Variants in STAC observed in about 807,000 individuals in gnomAD.
The protein encoded by STAC is SH3 and cysteine-rich domain-containing protein.
A neutral mutation model predicts 48.8 loss-of-function variants in STAC; 43 were observed. The observed-to-expected ratio is 0.88, with a 90% CI of 0.69 to 1.14. The LOEUF is 1.14. STAC is among the 50% of genes most tolerant of loss of function. The probability of loss-of-function intolerance (pLI) is 0.00; values close to 1 mark genes in which losing one functional copy is unlikely to be tolerated. For synonymous variants in STAC, 193 were observed against 179.5 expected, an observed-to-expected ratio of 1.07 and a Z score of -0.60; for missense variants, 497 against 504.0, an observed-to-expected ratio of 0.99 and a Z score of 0.13.
chr3:36,508,339 A>T (rs1169158273), intron 8 of STAC, among the ~76,000 whole-genome samples: 1 of 152,052 alleles, frequency 6.6e-6, no homozygotes, highest in South Asian at 2.1e-4. Flanking sequence ...TTTACTTCCA[A>T]TTGTGTGGTC....
intron 1 of STAC, among the ~76,000 whole-genome samples, chr3:36,425,781 T>A (rs1020469082): frequency 6.6e-6 from 1 of 152,210 alleles, no homozygotes; most frequent in Non-Finnish European, 1.5e-5. Context: ...ATCCCAGCAC[T>A]TTGGGAGGCC....
chr3:36,533,216 G>A (rs1317709710), intron 10 of STAC, among the ~76,000 whole-genome samples: 3 of 152,124 alleles, frequency 2.0e-5, no homozygotes, highest in African/African-American at 7.2e-5. Flanking sequence ...TGCTCATGTG[G>A]GCTCCCTATT....
chr3:36,456,270 G>A (rs17035121), intron 2 of STAC, among the ~76,000 whole-genome samples: 25,200 of 152,152 alleles, frequency 0.17, 2,392 homozygotes, highest in African/African-American at 0.26. Context: ...GAAGGACGAT[G>A]AACGAGCCTG....
chr3:36,495,641 C>T (rs562458741), intron 6 of STAC, among the ~76,000 whole-genome samples: 2 of 152,380 alleles, frequency 1.3e-5, no homozygotes, highest in African/African-American at 4.8e-5. Context: ...TCACCAATTC[C>T]TTGAGGAGTT....
intron 8 of STAC, among the ~76,000 whole-genome samples, chr3:36,517,845 CCA>C (rs1698710983): frequency 6.6e-6 from 1 of 151,768 alleles, no homozygotes; most frequent in African/African-American, 2.4e-5. Flanking sequence ...AAATAACCTC[CCA>C]CACACACTCA....
chr3:36,411,057 G>T (rs1461787250), intron 1 of STAC, among the ~76,000 whole-genome samples: 3 of 152,086 alleles, frequency 2.0e-5, no homozygotes, highest in Non-Finnish European at 1.5e-5. Context: ...TAAGTAAATG[G>T]CCACTCCCTC....
intron 2 of STAC, among the ~76,000 whole-genome samples, chr3:36,481,793 A>T (rs1158979860): frequency 6.6e-6 from 1 of 152,178 alleles, no homozygotes; most frequent in East Asian, 1.9e-4. Flanking sequence ...CTGGCCACCC[A>T]CGTCTCTTAT....
intron 1 of STAC, among the ~76,000 whole-genome samples, chr3:36,385,889 C>G (rs1699605850): frequency 6.6e-6 from 1 of 152,074 alleles, no homozygotes; most frequent in Non-Finnish European, 1.5e-5. Context: ...TTTACCTACT[C>G]TACTGATGAT....
At chr3:36,469,934 T>C (rs528515834) in intron 2 of STAC, among the ~76,000 whole-genome samples, 1 of 152,308 alleles carries the variant, frequency 6.6e-6, no homozygotes, top group African/African-American at 2.4e-5. Flanking sequence ...GTTTTTCATT[T>C]ATGCTACCTA....
rs71085127 is a variant in STAC at position 36,493,485 on chromosome 3, C to CATAT, written c.766+268_766+271dup. Among the ~76,000 whole-genome samples, 131 of 150,464 alleles carry CATAT rather than the reference C, an allele frequency of 8.7e-4. No individual in the cohort carries two copies. In the South Asian group the frequency reaches 0.016, roughly 18 times the overall value. Reference sequence around the variant, plus strand: ...ATTTACTCTTATGAGAGTATATATACATATATATATATATAAACTGAGCTG... The same window carrying CATAT: ...ATTTACTCTTATGAGAGTATATATACATATATATATATATATATAAACTGAGCTG... On this transcript the variant is annotated intron_variant, in intron 6 of 10. Coordinates refer to ENST00000273183, the MANE Select transcript of STAC (RefSeq NM_003149.3).
intron 1 of STAC, among the ~76,000 whole-genome samples, chr3:36,381,928 C>T (rs1440754025): frequency 6.6e-6 from 1 of 152,136 alleles, no homozygotes; most frequent in Non-Finnish European, 1.5e-5. Flanking sequence ...TGTGTGTCAA[C>T]TTTTCTAAAA....
chr3:36,543,314 C>T (rs755814843), intron 10 of STAC, among the ~76,000 whole-genome samples: 97 of 152,152 alleles, frequency 6.4e-4, no homozygotes, highest in Non-Finnish European at 1.2e-3. Context: ...ATTTTACCAT[C>T]AGAATTTTAA....
At chr3:36,516,434 T>C (rs1419613348) in intron 8 of STAC, among the ~76,000 whole-genome samples, 1 of 152,122 alleles carries the variant, frequency 6.6e-6, no homozygotes, top group Non-Finnish European at 1.5e-5. Flanking sequence ...CCAAATCCCA[T>C]ATAAAGGCAG....
intron 10 of STAC, among the ~76,000 whole-genome samples, chr3:36,541,778 G>T (rs969036117): frequency 6.6e-6 from 1 of 152,156 alleles, no homozygotes; most frequent in East Asian, 1.9e-4. Context: ...TGAGCTACAT[G>T]GTTAGGTATG....
chr3:36,508,193 G>A (rs1698451113), intron 8 of STAC, among the ~76,000 whole-genome samples: 1 of 152,134 alleles, frequency 6.6e-6, no homozygotes, highest in African/African-American at 2.4e-5. Flanking sequence ...TAGTCATTCA[G>A]GAGCAGGTTG....
intron 2 of STAC, among the ~76,000 whole-genome samples, chr3:36,452,079 T>C (rs2125675561): frequency 1.3e-5 from 2 of 152,324 alleles, no homozygotes; most frequent in South Asian, 4.1e-4. Context: ...TATTAGTCTA[T>C]AAAACCTAAA....
At chr3:36,426,979 G>T (rs928987178) in intron 1 of STAC, among the ~76,000 whole-genome samples, 3 of 152,142 alleles carry the variant, frequency 2.0e-5, no homozygotes, top group African/African-American at 7.2e-5. Context: ...CTAATTCATT[G>T]CCCTTCAACT....
intron 10 of STAC, among the ~76,000 whole-genome samples, chr3:36,530,878 G>C (rs1372451050): frequency 6.6e-6 from 1 of 151,950 alleles, no homozygotes; most frequent in Non-Finnish European, 1.5e-5. Flanking sequence ...GATTACAGGC[G>C]TGAGCCACTG....
intron 2 of STAC, among the ~76,000 whole-genome samples, chr3:36,475,684 A>G (rs56414522): frequency 0.031 from 4,711 of 152,338 alleles, 216 homozygotes; most frequent in African/African-American, 0.11. Flanking sequence ...AGAGGCCAAC[A>G]CAAGCTATTA....
Sources: allele counts gnomAD v4.1 joint callset (sites outside exome capture counted in the v4.1 genomes callset), GRCh38; gene constraint gnomAD v4.1.1; transcripts MANE v1.5; gene names NCBI Gene and HGNC (gene_info 2026-07-23, HGNC 2026-07-21).